Variants in SUMF1 observed in about 807,000 individuals in gnomAD.
SUMF1 encodes formylglycine-generating enzyme.
In SUMF1, 48 loss-of-function variants were observed where a neutral mutation model predicts 47.6. The observed-to-expected ratio is 1.01, with a 90% CI of 0.80 to 1.28. SUMF1 has a LOEUF of 1.28. SUMF1 is among the 50% of genes most tolerant of loss of function. SUMF1 has a pLI of 0.00. For missense variants in SUMF1, 571 were observed against 485.4 expected (o/e 1.18, Z -1.66); for synonymous variants, 230 against 192.1 (o/e 1.20, Z -1.63).
chr3:4,056,861 T>A (rs1185209235), intron 9 of SUMF1, among the ~76,000 whole-genome samples: 1 of 151,846 alleles, frequency 6.6e-6, no homozygotes, highest in Non-Finnish European at 1.5e-5. Flanking sequence ...CCTGCCTCAG[T>A]CTCCTGAGTA....
chr3:4,244,614 C>A (rs1181619297), intron 8 of SUMF1, among the ~76,000 whole-genome samples: 1 of 152,172 alleles, frequency 6.6e-6, no homozygotes, highest in Non-Finnish European at 1.5e-5. Context: ...AGGGTTTCTG[C>A]AGAGAGATTT....
intron 8 of SUMF1, among the ~76,000 whole-genome samples, chr3:4,123,652 G>A (rs970217808): frequency 2.6e-5 from 4 of 152,136 alleles, no homozygotes; most frequent in Non-Finnish European, 5.9e-5. Flanking sequence ...ACAGTAGAGA[G>A]AAAAGACCCC....
chr3:4,150,983 C>T (rs1427202882), intron 8 of SUMF1, among the ~76,000 whole-genome samples: 3 of 151,332 alleles, frequency 2.0e-5, no homozygotes, highest in South Asian at 2.1e-4. Context: ...TCTGGAACAC[C>T]AAGGGGACAA....
At chr3:4,275,866 G>A (rs546228222) in intron 8 of SUMF1, among the ~76,000 whole-genome samples, 2 of 152,300 alleles carry the variant, frequency 1.3e-5, no homozygotes, top group South Asian at 2.1e-4. Flanking sequence ...ACGAGCTTTA[G>A]AACAGTAGCA....
chr3:4,049,378 C>CTCCA (rs1228585477), intron 9 of SUMF1, among the ~76,000 whole-genome samples: 3 of 152,316 alleles, frequency 2.0e-5, no homozygotes, highest in African/African-American at 7.2e-5. Flanking sequence ...TGCCCTCTTA[C>CTCCA]TCCACAGCAG....
chr3:4,115,078 A>G (rs1471930479), intron 8 of SUMF1, among the ~76,000 whole-genome samples: 4 of 152,026 alleles, frequency 2.6e-5, no homozygotes, highest in African/African-American at 7.2e-5. Context: ...CTCTGTGCCT[A>G]TGAAAACCCC....
At chr3:4,155,008 T>C (rs1354338314) in intron 8 of SUMF1, among the ~76,000 whole-genome samples, 1 of 151,672 alleles carries the variant, frequency 6.6e-6, no homozygotes, top group South Asian at 2.1e-4. Flanking sequence ...TAGTTTTATG[T>C]TGGCAGACTT....
chr3:4,370,632 A>G (rs1031508395), intron 8 of SUMF1, among the ~76,000 whole-genome samples: 6 of 152,218 alleles, frequency 3.9e-5, no homozygotes, highest in African/African-American at 1.4e-4. Context: ...GTGAAAAGAC[A>G]TATACAAGAG....
intron 1 of SUMF1, among the ~76,000 whole-genome samples, chr3:4,466,720 A>G (rs2079956640): frequency 6.6e-6 from 1 of 152,198 alleles, no homozygotes; most frequent in African/African-American, 2.4e-5. Flanking sequence ...TCATTAAGAG[A>G]ACAGGTTGGA....
At chr3:4,076,502 A>G (rs1692437833) in intron 8 of SUMF1, among the ~76,000 whole-genome samples, 1 of 152,274 alleles carries the variant, frequency 6.6e-6, no homozygotes, top group African/African-American at 2.4e-5. Context: ...GTTGGATCTA[A>G]TTAAGTTAAA....
intron 8 of SUMF1, among the ~76,000 whole-genome samples, chr3:4,206,151 T>C (rs368145429): frequency 3.3e-5 from 5 of 151,484 alleles, no homozygotes; most frequent in African/African-American, 9.7e-5. Context: ...GACAAAGTCC[T>C]CTTTCCTCTC....
At chr3:4,152,262 A>T (rs1265394744) in intron 8 of SUMF1, among the ~76,000 whole-genome samples, 1 of 151,452 alleles carries the variant, frequency 6.6e-6, no homozygotes, top group Non-Finnish European at 1.5e-5. Context: ...CTTTCTGGAC[A>T]GTCTAGAAGA....
intron 8 of SUMF1, among the ~76,000 whole-genome samples, chr3:4,128,565 G>A (rs1233657466): frequency 1.3e-5 from 2 of 152,072 alleles, no homozygotes; most frequent in Admixed American, 1.3e-4. Flanking sequence ...TTCTCCTCAG[G>A]AGCCATCCAC....
At chr3:4,137,311 C>T (rs186024364) in intron 8 of SUMF1, among the ~76,000 whole-genome samples, 4,242 of 152,034 alleles carry the variant, frequency 0.028, 93 homozygotes, top group African/African-American at 0.049. Flanking sequence ...GATGAGTTCA[C>T]GTCCTTTGTA....
chr3:4,059,847 G>A (rs571445930), intron 9 of SUMF1, among the ~76,000 whole-genome samples: 1 of 150,020 alleles, frequency 6.7e-6, no homozygotes, highest in South Asian at 2.1e-4. Context: ...AATCAGAGGT[G>A]ACCAGGGCAA....
At chr3:4,192,649 T>C (rs1294938561) in intron 8 of SUMF1, among the ~76,000 whole-genome samples, 1 of 152,148 alleles carries the variant, frequency 6.6e-6, no homozygotes, top group Non-Finnish European at 1.5e-5. Flanking sequence ...GATAGGTTCC[T>C]TGCATAATAC....
intron 6 of SUMF1, chr3:4,414,818 C>T (rs1444478474): frequency 6.6e-6 from 1 of 152,200 alleles, no homozygotes; most frequent in Non-Finnish European, 1.5e-5. Flanking sequence ...TCCTTGGTAG[C>T]TCATGTAATT....
At chr3:4,175,341 G>T (rs1015132077) in intron 8 of SUMF1, among the ~76,000 whole-genome samples, 1 of 152,066 alleles carries the variant, frequency 6.6e-6, no homozygotes, top group Non-Finnish European at 1.5e-5. Flanking sequence ...CCAGAGGAAG[G>T]ATCAGGCAGC....
At chr3:4,065,929 G>C (rs985101173) in intron 9 of SUMF1, among the ~76,000 whole-genome samples, 4 of 152,118 alleles carry the variant, frequency 2.6e-5, no homozygotes, top group Non-Finnish European at 5.9e-5. Flanking sequence ...GAAAAAATGA[G>C]GGGAACAGAT....
Sources: gnomAD v4.1 joint callset for allele counts (sites outside exome capture counted in the v4.1 genomes callset) on GRCh38, gnomAD v4.1.1 for gene constraint, MANE v1.5 for transcripts, NCBI Gene and HGNC (gene_info 2026-07-23, HGNC 2026-07-21) for gene names.